COLEC10: variants seen among roughly 807,000 people sequenced by gnomAD.
The protein encoded by COLEC10 is collectin subfamily member 10, also known as collectin-10.
Under a neutral mutation model 28.4 loss-of-function variants are expected in COLEC10, and 22 were observed. That is an observed-to-expected ratio of 0.78 (90% CI 0.55 to 1.11). The LOEUF is 1.11. Ranked by LOEUF, COLEC10 falls within the 50% of genes least tolerant of loss-of-function variation. The pLI, the probability that COLEC10 is intolerant of heterozygous loss-of-function variation, is 0.00. For missense variants in COLEC10, 361 were observed against 344.1 expected, an observed-to-expected ratio of 1.05 and a Z score of -0.39; for synonymous variants, 125 against 116.1, an observed-to-expected ratio of 1.08 and a Z score of -0.49.
intron 1 of COLEC10, among the ~76,000 whole-genome samples, chr8:119,070,946 G>A (rs374292730): frequency 2.6e-5 from 4 of 152,098 alleles, no homozygotes; most frequent in Admixed American, 2.6e-4. Context: ...ATTCCAGCGG[G>A]GCCAAGGGAA....
At chr8:118,959,651 T>C in the COLEC10 span, among the ~76,000 whole-genome samples, 1 of 152,176 alleles carries the variant, frequency 6.6e-6, no homozygotes, top group African/African-American at 2.4e-5. Flanking sequence ...CATGAGGAGA[T>C]TTTATAATTT....
At chr8:119,105,047 A>G (rs1373911105) in intron 5 of COLEC10, among the ~76,000 whole-genome samples, 5 of 152,136 alleles carry the variant, frequency 3.3e-5, no homozygotes, top group African/African-American at 1.2e-4. Context: ...TGAAATATGG[A>G]CAATCCCAAT....
the COLEC10 span, among the ~76,000 whole-genome samples, chr8:118,982,025 T>C: frequency 1.3e-5 from 2 of 151,926 alleles, no homozygotes. Flanking sequence ...TAAAAGATAG[T>C]TTTATTGTTA....
intron 5 of COLEC10, 28 bp from the exon 6 acceptor site, chr8:119,105,772 A>G (rs753449295): frequency 1.3e-6 from 2 of 1,573,548 alleles, no homozygotes; most frequent in African/African-American, 2.7e-5. Context: ...TGAGATACGT[A>G]ATGATACTCC....
intron 2 of COLEC10, among the ~76,000 whole-genome samples, chr8:119,055,230 G>C (rs1050380096): frequency 6.6e-6 from 1 of 151,974 alleles, no homozygotes; most frequent in African/African-American, 2.4e-5. Context: ...ACCACTCACT[G>C]TTCAGTGTGT....
the COLEC10 span, among the ~76,000 whole-genome samples, chr8:118,983,535 T>C: frequency 2.8e-3 from 423 of 152,216 alleles, 6 homozygotes; most frequent in African/African-American, 9.1e-3. Context: ...AGAAGACACA[T>C]TGAAGTCCTA....
chr8:119,020,749 CT>C (rs1814076093), intron 2 of COLEC10, among the ~76,000 whole-genome samples: 1 of 152,116 alleles, frequency 6.6e-6, no homozygotes, highest in African/African-American at 2.4e-5. Flanking sequence ...AGGCTAAAAG[CT>C]TGTCAGTGTT....
In COLEC10 at chr8:119,084,337, A is replaced by G. The variant is rs118075788; in HGVS notation, c.149-5343A>G. Reference sequence around the variant, plus strand: ...CAGGACCCTCCCCTGGGCTTCATCAATACGTCATCCCACCTTTCCAGGAAT... The same window carrying G: ...CAGGACCCTCCCCTGGGCTTCATCAGTACGTCATCCCACCTTTCCAGGAAT... On this transcript the variant is annotated intron_variant, in intron 1 of 5. Coordinates refer to ENST00000332843, the MANE Select transcript of COLEC10 (RefSeq NM_006438.5). Among the ~76,000 whole-genome samples, 1,224 of 152,308 alleles carry G rather than the reference A, an allele frequency of 8.0e-3. 9 individuals carry two copies. Among genetic ancestry groups the G allele is most frequent in the Non-Finnish European group, 0.011 (779 of 68,026 alleles).
chr8:119,004,935 C>G (rs1813765447), intron 1 of COLEC10, among the ~76,000 whole-genome samples: 1 of 152,040 alleles, frequency 6.6e-6, no homozygotes, highest in African/African-American at 2.4e-5. Context: ...ATTTATTGGT[C>G]TTTATACTAC....
intron 3 of COLEC10, 72 bp downstream of exon 3, chr8:119,091,292 GTAA>G (rs1204958378): frequency 1.8e-6 from 2 of 1,130,110 alleles, no homozygotes; most frequent in African/African-American, 3.1e-5. Context: ...GCTCACACCA[GTAA>G]TCCCAACACT....
upstream of COLEC10, among the ~76,000 whole-genome samples, chr8:118,991,079 A>G (rs1813498695): frequency 6.6e-6 from 1 of 152,138 alleles, no homozygotes; most frequent in African/African-American, 2.4e-5. Flanking sequence ...AACAGTTTTT[A>G]GTTAATTTTA....
At chr8:119,026,090 A>AT (rs1237545554) in intron 2 of COLEC10, among the ~76,000 whole-genome samples, 1 of 152,100 alleles carries the variant, frequency 6.6e-6, no homozygotes, top group Non-Finnish European at 1.5e-5. Context: ...CTGGTTCAAC[A>AT]TTTTCTCAGT....
At chr8:119,017,698 A>G (rs1587000428) in intron 2 of COLEC10, among the ~76,000 whole-genome samples, 1 of 152,172 alleles carries the variant, frequency 6.6e-6, no homozygotes, top group Non-Finnish European at 1.5e-5. Context: ...ATTTTAAATA[A>G]TTAATTGTAT....
intron 2 of COLEC10, among the ~76,000 whole-genome samples, chr8:119,050,033 C>T (rs1376919675): frequency 6.6e-6 from 1 of 152,114 alleles, no homozygotes; most frequent in African/African-American, 2.4e-5. Context: ...GCCATGAAAC[C>T]TTGGACAAGT....
At chr8:118,968,069 TTCA>T in the COLEC10 span, among the ~76,000 whole-genome samples, 3 of 152,128 alleles carry the variant, frequency 2.0e-5, no homozygotes, top group Non-Finnish European at 4.4e-5. Context: ...ATGCATTTAA[TTCA>T]TCATCAAAAT....
chr8:119,083,469 G>A lies in COLEC10; in HGVS notation c.149-6211G>A, dbSNP rs1043890534. Among the ~76,000 whole-genome samples the A allele has an allele frequency of 5.9e-5, 9 of 152,272 alleles. 1 individual carries two copies. Among genetic ancestry groups the A allele is most frequent in the Admixed American group, 6.5e-5 (1 of 15,284 alleles). On this transcript the variant is annotated intron_variant, in intron 1 of 5. Transcript: ENST00000332843. Reference sequence around the variant, plus strand: ...TGAGAATGAGTAAGTGTGATTTCCTGCAGAAAACTGTGGAGCTGTTAACTG... The same window carrying A: ...TGAGAATGAGTAAGTGTGATTTCCTACAGAAAACTGTGGAGCTGTTAACTG...
At chr8:118,981,274 C>T in the COLEC10 span, among the ~76,000 whole-genome samples, 1 of 151,448 alleles carries the variant, frequency 6.6e-6, no homozygotes, top group Non-Finnish European at 1.5e-5. Context: ...CTTTTTAAAA[C>T]TATCTGCAGA....
intron 1 of COLEC10, among the ~76,000 whole-genome samples, chr8:119,075,892 C>CTTTTTTTT (rs35870985): frequency 9.7e-5 from 8 of 82,404 alleles, no homozygotes; most frequent in African/African-American, 1.9e-4. Flanking sequence ...TCAGCCATAT[C>CTTTTTTTT]TTTTTTTTTT....
intron 1 of COLEC10, among the ~76,000 whole-genome samples, chr8:119,001,885 C>T (rs1813708632): frequency 6.6e-6 from 1 of 152,122 alleles, no homozygotes. Flanking sequence ...TTATGATTTA[C>T]AATATGTGAT....
Sources: gnomAD v4.1 joint callset for allele counts (sites outside exome capture counted in the v4.1 genomes callset) on GRCh38, gnomAD v4.1.1 for gene constraint, MANE v1.5 for transcripts, NCBI Gene and HGNC (gene_info 2026-07-23, HGNC 2026-07-21) for gene names.